Variants in CPHXL observed in about 807,000 individuals in gnomAD.
The protein encoded by CPHXL is cytoplasmic polyadenylated homeobox-like protein.
intron 1 of CPHXL, among the ~76,000 whole-genome samples, chr16:75,722,595 G>C (rs1959493544): frequency 6.6e-6 from 1 of 152,188 alleles, no homozygotes; most frequent in South Asian, 2.1e-4. Context: ...AACAGGCTCT[G>C]AAATTGAGGC....
chr16:75,717,885 A>G (rs1053721042), intron 2 of CPHXL, among the ~76,000 whole-genome samples: 3 of 152,146 alleles, frequency 2.0e-5, no homozygotes, highest in Admixed American at 2.0e-4. Context: ...CTTCCTATCC[A>G]ATCCCCTGCA....
intron 1 of CPHXL, among the ~76,000 whole-genome samples, chr16:75,719,032 T>C (rs1341688731): frequency 6.6e-6 from 1 of 152,142 alleles, no homozygotes; most frequent in African/African-American, 2.4e-5. Flanking sequence ...GTTCCACGAG[T>C]GTAGTTGATT....
intron 2 of CPHXL, among the ~76,000 whole-genome samples, chr16:75,716,774 T>A (rs1381996740): frequency 6.6e-6 from 1 of 152,182 alleles, no homozygotes; most frequent in African/African-American, 2.4e-5. Context: ...CCTGCCTGGA[T>A]CTTTCCAGCT....
In CPHXL at chr16:75,726,445, T is replaced by A. The variant is rs1959561141; in HGVS notation, c.-3A>T. 1 of 398,522 alleles carries A rather than the reference T, an allele frequency of 2.5e-6. No homozygotes were observed. The allele number at this position is 398,522 out of a possible 1,614,324, so 24.7% of individuals were successfully genotyped here. A position where few individuals can be genotyped will look rare whatever the true frequency, so the allele number is the denominator to read the frequency against. ...CCTGAAGTGCCGTCCAAATTCATCT[T>A]GGGGTAGAAGACCTGGACTTCACGG... On this transcript the variant is annotated 5_prime_UTR_variant, in exon 1 of 3. Transcript: ENST00000640559.
chr16:75,725,471 G>A (rs1342535973), intron 1 of CPHXL, among the ~76,000 whole-genome samples: 1 of 99,820 alleles, frequency 1.0e-5, no homozygotes, highest in Non-Finnish European at 2.1e-5. Flanking sequence ...TTTTTTTTTT[G>A]AGACGGACTC....
At chr16:75,715,484 T>C (rs1009492459) in intron 2 of CPHXL, among the ~76,000 whole-genome samples, 5 of 152,188 alleles carry the variant, frequency 3.3e-5, no homozygotes, top group Non-Finnish European at 7.3e-5. Flanking sequence ...CATGTGAACC[T>C]TGGCTTCCCA....
At chr16:75,718,546 T>C (rs1445736678) in intron 1 of CPHXL, 88 bp from the exon 2 acceptor site, 1 of 396,710 alleles carries the variant, frequency 2.5e-6, no homozygotes, top group African/African-American at 2.1e-5. Context: ...GTTAGCACCA[T>C]AGATTCCCTC....
intron 2 of CPHXL, 105 bp downstream of exon 2, chr16:75,718,160 G>A (rs1959420372): frequency 2.5e-6 from 1 of 393,978 alleles, no homozygotes; most frequent in Non-Finnish European, 4.5e-6. Flanking sequence ...GGAGGCTGCA[G>A]TGAGCCGTGA....
chr16:75,724,885 A>T (rs981313056), intron 1 of CPHXL, among the ~76,000 whole-genome samples: 20 of 152,240 alleles, frequency 1.3e-4, no homozygotes, highest in African/African-American at 4.3e-4. Context: ...CAAATGTCCA[A>T]CAATGATAGA....
intron 2 of CPHXL, 51 bp downstream of exon 2, chr16:75,718,214 G>A: frequency 2.5e-6 from 1 of 395,706 alleles, no homozygotes; most frequent in Non-Finnish European, 4.4e-6. Flanking sequence ...GTGAGACCTT[G>A]TCTAAAAAAA....
intron 1 of CPHXL, among the ~76,000 whole-genome samples, chr16:75,725,861 T>G (rs1175622715): frequency 6.6e-6 from 1 of 150,696 alleles, no homozygotes; most frequent in Non-Finnish European, 1.5e-5. Flanking sequence ...CCTCCTTGTT[T>G]TATTATTACT....
chr16:75,724,169 C>T (rs1959520422), intron 1 of CPHXL, among the ~76,000 whole-genome samples: 1 of 152,144 alleles, frequency 6.6e-6, no homozygotes, highest in African/African-American at 2.4e-5. Context: ...ACCATAAAAA[C>T]CCTAGAAGAA....
At chr16:75,726,271 C>CATGA (rs1454028433) in intron 1 of CPHXL, 147 bp downstream of exon 1, 1 of 396,328 alleles carries the variant, frequency 2.5e-6, no homozygotes, top group Non-Finnish European at 4.4e-6. Context: ...TCAAAGTACC[C>CATGA]ATGAATGCCC....
intron 1 of CPHXL, among the ~76,000 whole-genome samples, chr16:75,722,278 GAC>G (rs1399407424): frequency 6.7e-6 from 1 of 149,050 alleles, no homozygotes; most frequent in East Asian, 2.5e-4. Context: ...AGGAAATAGA[GAC>G]ACAAAAAAAC....
intron 1 of CPHXL, among the ~76,000 whole-genome samples, chr16:75,720,554 A>T (rs1959462545): frequency 6.6e-6 from 1 of 152,208 alleles, no homozygotes; most frequent in Admixed American, 6.5e-5. Flanking sequence ...GTTTAGAGAA[A>T]AAAGAATAAA....
intron 1 of CPHXL, among the ~76,000 whole-genome samples, chr16:75,720,232 A>C (rs917269210): frequency 6.6e-6 from 1 of 152,228 alleles, no homozygotes. Context: ...CCTCACCAGC[A>C]ATTGAACAAA....
At chr16:75,721,119 G>C (rs919057373) in intron 1 of CPHXL, among the ~76,000 whole-genome samples, 6 of 152,088 alleles carry the variant, frequency 3.9e-5, no homozygotes, top group African/African-American at 1.4e-4. Flanking sequence ...ACATGGAAAG[G>C]AAAAACTGGT....
intron 1 of CPHXL, among the ~76,000 whole-genome samples, chr16:75,724,784 C>G (rs897841401): frequency 1.3e-5 from 2 of 152,100 alleles, no homozygotes; most frequent in African/African-American, 4.8e-5. Flanking sequence ...GGTATATACC[C>G]AAAGGATTAT....
At position 75,714,375 on chromosome 16, in the gene CPHXL, C is replaced by T. The variant is rs574370322; in HGVS notation, c.1067G>A (p.Ser356Asn). The change falls in exon 3 of 3, where the codon AGT (serine) becomes AAT (asparagine). Residue 356 changes from serine (S) to asparagine (N), a missense_variant. Physicochemically the swap from Ser to Asn is conservative, Grantham distance 46. Transcript: ENST00000640559. ...QWSSAQSQLQ[S>N]QLPQNNGKPL... The stretch of plus-strand genomic sequence containing the variant: ...CTTTCCATTATTCTGAGGCAGTTGA[C>T]TCTGCAGCTGTGACTGAGCCGAGGA... The T allele has an allele frequency of 2.5e-6, 1 of 398,626 alleles. No individual in the cohort carries two copies. The highest frequency in any genetic ancestry group is 1.3e-4 in the South Asian group (1 of 7,850). The allele number at this position is 398,626 out of a possible 1,614,324, so 24.7% of individuals were successfully genotyped here.
Sources: gnomAD v4.1 joint callset for allele counts (sites outside exome capture counted in the v4.1 genomes callset) on GRCh38, gnomAD v4.1.1 for gene constraint, MANE v1.5 for transcripts, NCBI Gene and HGNC (gene_info 2026-07-23, HGNC 2026-07-21) for gene names.